The following DENND1A variants were observed in gnomAD, a reference collection of about 807,000 sequenced individuals.
DENND1A encodes DENN domain-containing protein 1A.
DENND1A carries 51 observed loss-of-function variants against 113.7 expected under a neutral mutation model. The observed-to-expected ratio is 0.45, with a 90% CI of 0.36 to 0.57. The LOEUF (loss-of-function observed/expected upper bound fraction) is 0.57. Among genes scored for constraint, DENND1A ranks in the 20% least tolerant of loss-of-function variants. The pLI is 0.00. For synonymous variants in DENND1A, 565 were observed against 570.8 expected, an observed-to-expected ratio of 0.99 and a Z score of 0.14; for missense variants, 1,258 against 1,395.9, an observed-to-expected ratio of 0.90 and a Z score of 1.57.
At chr9:123,557,119 C>T (rs976335918) in intron 13 of DENND1A, among the ~76,000 whole-genome samples, 5 of 152,224 alleles carry the variant, frequency 3.3e-5, no homozygotes, top group Admixed American at 6.5e-5. Flanking sequence ...CGTGAAAGAA[C>T]AGGGGTGGCG....
At chr9:123,757,962 G>C in intron 4 of DENND1A, 140 bp from the exon 5 acceptor site, 7 of 634,796 alleles carry the variant, frequency 1.1e-5, no homozygotes, top group Non-Finnish European at 1.1e-5. Context: ...CAAGGGAACA[G>C]ACTGTAAGCT....
At chr9:123,805,115 C>T (rs927116119) in intron 2 of DENND1A, among the ~76,000 whole-genome samples, 11 of 152,128 alleles carry the variant, frequency 7.2e-5, no homozygotes, top group African/African-American at 2.7e-4. Context: ...AAGGCATGTG[C>T]TATCAGATTT....
intron 5 of DENND1A, among the ~76,000 whole-genome samples, chr9:123,705,559 C>T (rs2066142378): frequency 6.6e-6 from 1 of 151,904 alleles, no homozygotes; most frequent in Middle Eastern, 3.2e-3. Context: ...AAATATATGC[C>T]ATTTATAGAA....
chr9:123,767,991 T>A (rs1015593634), intron 4 of DENND1A, among the ~76,000 whole-genome samples: 2 of 152,230 alleles, frequency 1.3e-5, no homozygotes, highest in Non-Finnish European at 2.9e-5. Context: ...GGAGATTTCA[T>A]GCATAGCTAA....
chr9:123,874,499 G>C (rs1218982999), intron 2 of DENND1A, among the ~76,000 whole-genome samples: 1 of 152,118 alleles, frequency 6.6e-6, no homozygotes, highest in African/African-American at 2.4e-5. Context: ...CAGCTACTAA[G>C]GAGGCTAGTA....
At chr9:123,738,703 T>C (rs2068760065) in intron 5 of DENND1A, among the ~76,000 whole-genome samples, 1 of 152,182 alleles carries the variant, frequency 6.6e-6, no homozygotes, top group Non-Finnish European at 1.5e-5. Flanking sequence ...GCTATTGTTT[T>C]ATAGTTAAAT....
chr9:123,421,432 A>T (rs1297931770), intron 19 of DENND1A, among the ~76,000 whole-genome samples: 1 of 152,106 alleles, frequency 6.6e-6, no homozygotes. Flanking sequence ...CAGCAGAAGA[A>T]GATGTTAAAA....
chr9:123,697,693 C>A (rs1034362050), intron 5 of DENND1A, among the ~76,000 whole-genome samples: 4 of 152,178 alleles, frequency 2.6e-5, no homozygotes, highest in Non-Finnish European at 5.9e-5. Context: ...CCTTCCTCCC[C>A]CTTCCCCCAC....
intron 1 of DENND1A, among the ~76,000 whole-genome samples, chr9:123,904,718 C>A (rs1588170537): frequency 6.6e-6 from 1 of 150,600 alleles, no homozygotes; most frequent in East Asian, 1.9e-4. Flanking sequence ...GTGAAAAGAC[C>A]AAATCTACGC....
intron 2 of DENND1A, among the ~76,000 whole-genome samples, chr9:123,834,028 C>G (rs1840693833): frequency 6.6e-6 from 1 of 152,166 alleles, no homozygotes; most frequent in African/African-American, 2.4e-5. Flanking sequence ...TGCACTCCAG[C>G]CTGGCGAAAG....
intron 13 of DENND1A, among the ~76,000 whole-genome samples, chr9:123,546,421 A>AGCG (rs1303160319): frequency 1.3e-5 from 2 of 151,832 alleles, no homozygotes; most frequent in Non-Finnish European, 2.9e-5. Flanking sequence ...GCGTGGTGGT[A>AGCG]GGCGCCTGTA....
At chr9:123,416,755 A>C (rs1275489644) in intron 19 of DENND1A, among the ~76,000 whole-genome samples, 1 of 152,196 alleles carries the variant, frequency 6.6e-6, no homozygotes, top group Non-Finnish European at 1.5e-5. Flanking sequence ...TGCTTTCCTG[A>C]AAAACACATC....
At position 123,422,556 on chromosome 9, in the gene DENND1A, T is replaced by A. The variant is rs961588975; in HGVS notation, c.1489-10727A>T. On this transcript the variant is annotated intron_variant, in intron 19 of 23. Transcript: ENST00000394215. This position sits in a 1 kb window ranked among gnomAD's most constrained non-coding sequence, Gnocchi z 4.8. ...CAGAACAAATGGACGGAGAACCTGGTTTTAAAATTCCTGGACCTTGGAATA... is the reference window on the plus strand; with the variant it reads ...CAGAACAAATGGACGGAGAACCTGGATTTAAAATTCCTGGACCTTGGAATA... 1.3e-5 allele frequency among the ~76,000 whole-genome samples: 2 copies of A among 151,982 alleles called. No homozygotes were observed. The highest frequency in any genetic ancestry group is 4.8e-5 in the African/African-American group (2 of 41,376).
intron 5 of DENND1A, among the ~76,000 whole-genome samples, chr9:123,697,571 T>C (rs1029512228): frequency 5.3e-5 from 8 of 152,268 alleles, no homozygotes; most frequent in Middle Eastern, 3.4e-3. Flanking sequence ...CCGAAGTCCA[T>C]TGTATCATTC....
intron 19 of DENND1A, among the ~76,000 whole-genome samples, chr9:123,417,553 T>C (rs2044839098): frequency 6.6e-6 from 1 of 152,188 alleles, no homozygotes; most frequent in South Asian, 2.1e-4. Flanking sequence ...TCTTAGCCCA[T>C]TGTGCTATCC....
chr9:123,394,862 C>T (rs1201038466), intron 21 of DENND1A, among the ~76,000 whole-genome samples: 1 of 152,192 alleles, frequency 6.6e-6, no homozygotes, highest in East Asian at 1.9e-4. Context: ...TCCTGGAGCC[C>T]AGATCTGGAG....
intron 5 of DENND1A, among the ~76,000 whole-genome samples, chr9:123,676,998 A>G (rs1049846060): frequency 6.6e-6 from 1 of 152,258 alleles, no homozygotes; most frequent in Non-Finnish European, 1.5e-5. Flanking sequence ...TTAAATGTCC[A>G]TTATAAATTA....
At chr9:123,727,816 C>T (rs2067816445) in intron 5 of DENND1A, among the ~76,000 whole-genome samples, 2 of 152,096 alleles carry the variant, frequency 1.3e-5, no homozygotes, top group African/African-American at 4.8e-5. Context: ...ATCAAAGAAT[C>T]CCTAAATAGG....
intron 13 of DENND1A, among the ~76,000 whole-genome samples, chr9:123,515,529 T>C (rs2053826219): frequency 6.6e-6 from 1 of 152,194 alleles, no homozygotes. Flanking sequence ...CAACGCACAT[T>C]TGTAAAACAT....
Sources: gnomAD v4.1 joint callset for allele counts (sites outside exome capture counted in the v4.1 genomes callset) on GRCh38, gnomAD v4.1.1 for gene constraint, Gnocchi (gnomAD v3.1) non-coding constraint, MANE v1.5 for transcripts, NCBI Gene and HGNC (gene_info 2026-07-23, HGNC 2026-07-21) for gene names.